The following CTNNA2 variants were observed in gnomAD, a reference collection of about 807,000 sequenced individuals.
The protein encoded by CTNNA2 is catenin alpha-2.
A neutral mutation model predicts 101.0 loss-of-function variants in CTNNA2; 42 were observed. That is an observed-to-expected ratio of 0.42 (90% CI 0.32 to 0.54). The LOEUF is 0.54. Among genes scored for constraint, CTNNA2 ranks in the 20% least tolerant of loss-of-function variants. CTNNA2 has a pLI of 0.14. For synonymous variants in CTNNA2, 450 were observed against 456.4 expected (o/e 0.99, Z 0.18); for missense variants, 871 against 1,223.1 (o/e 0.71, Z 4.29).
intron 15 of CTNNA2, among the ~76,000 whole-genome samples, chr2:80,596,276 G>GTTT (rs1257706829): frequency 1.1e-4 from 6 of 52,268 alleles, no homozygotes; most frequent in East Asian, 7.3e-4. Flanking sequence ...CTGAGACAAG[G>GTTT]TTGTTTTTTT....
chr2:80,632,697 C>T (rs754549809), intron 18 of CTNNA2, among the ~76,000 whole-genome samples: 6 of 152,150 alleles, frequency 3.9e-5, no homozygotes, highest in South Asian at 2.1e-4. Context: ...GGAATACCCT[C>T]TCCTGTGGAG....
chr2:79,990,639 C>T (rs1265454434), intron 7 of CTNNA2, among the ~76,000 whole-genome samples: 3 of 152,118 alleles, frequency 2.0e-5, no homozygotes, highest in South Asian at 2.1e-4. Flanking sequence ...TAAGCATTTG[C>T]TATTATTGTT....
intron 9 of CTNNA2, among the ~76,000 whole-genome samples, chr2:80,471,176 C>A (rs7562733): frequency 0.44 from 66,658 of 152,056 alleles, 17,223 homozygotes; most frequent in African/African-American, 0.69. Flanking sequence ...ACTCCCATGT[C>A]AGAAATCTTT....
chr2:79,772,513 T>G (rs1456611109), intron 3 of CTNNA2, among the ~76,000 whole-genome samples: 5 of 152,230 alleles, frequency 3.3e-5, no homozygotes, highest in African/African-American at 1.2e-4. Context: ...AGCATGAGGC[T>G]TCAGCATAAG....
intron 6 of CTNNA2, among the ~76,000 whole-genome samples, chr2:79,887,907 G>A (rs918937495): frequency 1.3e-5 from 2 of 152,046 alleles, no homozygotes; most frequent in African/African-American, 2.4e-5. Flanking sequence ...ACAAGCAGGA[G>A]CGTTCCAGCA....
chr2:80,308,677 G>C (rs1677255963), intron 7 of CTNNA2, among the ~76,000 whole-genome samples: 1 of 152,144 alleles, frequency 6.6e-6, no homozygotes, highest in African/African-American at 2.4e-5. Context: ...TTAAAGCAAC[G>C]TGGTAACATG....
intron 7 of CTNNA2, among the ~76,000 whole-genome samples, chr2:80,045,626 G>A (rs1696465252): frequency 6.6e-6 from 1 of 152,024 alleles, no homozygotes; most frequent in East Asian, 1.9e-4. Flanking sequence ...ATAAATTCTT[G>A]AGTCTCCTAT....
At chr2:79,187,270 C>CTTTTCTTTTTTTTTTTT (rs1242631840) in intron 1 of CTNNA2, among the ~76,000 whole-genome samples, 8 of 65,434 alleles carry the variant, frequency 1.2e-4, no homozygotes, top group Non-Finnish European at 2.2e-4. Context: ...CTTTTCTTTT[C>CTTTTCTTTTTTTTTTTT]TTTTTTTTTT....
At chr2:80,340,413 G>A (rs1672121092) in intron 7 of CTNNA2, among the ~76,000 whole-genome samples, 2 of 152,126 alleles carry the variant, frequency 1.3e-5, no homozygotes, top group African/African-American at 4.8e-5. Flanking sequence ...AGTTTTGATT[G>A]CTGTGAATAC....
intron 2 of CTNNA2, among the ~76,000 whole-genome samples, chr2:79,695,414 G>A (rs542947966): frequency 2.0e-5 from 3 of 151,966 alleles, no homozygotes; most frequent in Admixed American, 2.0e-4. Flanking sequence ...CTAGGGATGG[G>A]CAAAAGGAAC....
At chr2:79,536,732 C>T (rs1338667567) in intron 1 of CTNNA2, among the ~76,000 whole-genome samples, 1 of 139,462 alleles carries the variant, frequency 7.2e-6, no homozygotes, top group Non-Finnish European at 1.6e-5. Flanking sequence ...GAGTTTTGCT[C>T]TGTCACCAAG....
intron 7 of CTNNA2, among the ~76,000 whole-genome samples, chr2:80,230,299 T>C (rs1332871435): frequency 1.2e-4 from 18 of 151,096 alleles, no homozygotes; most frequent in African/African-American, 4.1e-4. Context: ...TCTTGCTTTG[T>C]TGTTCAGGCT....
intron 7 of CTNNA2, among the ~76,000 whole-genome samples, chr2:80,387,975 A>T (rs1677167867): frequency 1.3e-5 from 2 of 152,192 alleles, no homozygotes; most frequent in South Asian, 4.1e-4. Context: ...TCTATTGCAC[A>T]CTCATTCTCT....
chr2:80,139,581 A>G (rs796673773), intron 7 of CTNNA2, among the ~76,000 whole-genome samples: 19 of 152,280 alleles, frequency 1.2e-4, no homozygotes, highest in African/African-American at 4.6e-4. Flanking sequence ...GTATCAGTAT[A>G]TATTGATACA....
intron 9 of CTNNA2, among the ~76,000 whole-genome samples, chr2:80,473,326 C>T (rs530629422): frequency 4.1e-4 from 63 of 152,122 alleles, no homozygotes; most frequent in African/African-American, 1.5e-3. Flanking sequence ...AAGTGAGTTA[C>T]GAAACAGAAT....
At chr2:79,658,965 C>G (rs760257415) in intron 2 of CTNNA2, among the ~76,000 whole-genome samples, 46 of 152,042 alleles carry the variant, frequency 3.0e-4, no homozygotes, top group African/African-American at 1.0e-3. Context: ...ATTTTAAAAA[C>G]ATTTTAAAAG....
intron 7 of CTNNA2, among the ~76,000 whole-genome samples, chr2:79,941,336 C>T (rs538529210): frequency 6.6e-6 from 1 of 152,318 alleles, no homozygotes; most frequent in East Asian, 1.9e-4. Flanking sequence ...TCAATCTGGA[C>T]TCTGGCCACT....
intron 7 of CTNNA2, among the ~76,000 whole-genome samples, chr2:80,048,076 G>A (rs1481055934): frequency 6.6e-6 from 1 of 151,868 alleles, no homozygotes; most frequent in Non-Finnish European, 1.5e-5. Flanking sequence ...TGAAAATAAT[G>A]GTTTAAAGAC....
chr2:79,896,396 C>A (rs1684717044), intron 6 of CTNNA2, among the ~76,000 whole-genome samples: 1 of 152,126 alleles, frequency 6.6e-6, no homozygotes, highest in African/African-American at 2.4e-5. Context: ...TACTGTAGAC[C>A]TAAATGTACA....
Sources: allele counts gnomAD v4.1 joint callset (sites outside exome capture counted in the v4.1 genomes callset), GRCh38; gene constraint gnomAD v4.1.1; transcripts MANE v1.5; gene names NCBI Gene and HGNC (gene_info 2026-07-23, HGNC 2026-07-21).